Variants in AKT3 observed in about 807,000 individuals in gnomAD.
AKT3 encodes AKT serine/threonine kinase 3.
AKT3 carries 15 observed loss-of-function variants against 65.3 expected under a neutral mutation model. The observed-to-expected ratio is 0.23, with a 90% CI of 0.15 to 0.35. The LOEUF (loss-of-function observed/expected upper bound fraction) is 0.35. Among genes scored for constraint, AKT3 ranks in the 10% least tolerant of loss-of-function variants. The pLI is 1.00. For missense variants in AKT3, 243 were observed against 576.5 expected (o/e 0.42, Z 5.92); for synonymous variants, 206 against 183.8 (o/e 1.12, Z -0.98).
chr1:243,787,732 C>A (rs944774430), intron 2 of AKT3, among the ~76,000 whole-genome samples: 2 of 152,096 alleles, frequency 1.3e-5, no homozygotes, highest in Admixed American at 6.5e-5. Context: ...TTTGAGTATA[C>A]CAATTTGCCT....
intron 12 of AKT3, among the ~76,000 whole-genome samples, chr1:243,512,924 T>C (rs1178443017): frequency 6.6e-6 from 1 of 152,218 alleles, no homozygotes; most frequent in East Asian, 1.9e-4. Flanking sequence ...AAGAATTTGC[T>C]GATAAGAGAT....
At chr1:243,524,955 G>A (rs759430981) in intron 12 of AKT3, among the ~76,000 whole-genome samples, 2 of 152,126 alleles carry the variant, frequency 1.3e-5, no homozygotes, top group South Asian at 2.1e-4. Context: ...CCCAGCTTAT[G>A]CCATTTAGGG....
chr1:243,734,251 C>T (rs1319224239), intron 2 of AKT3, among the ~76,000 whole-genome samples: 1 of 152,044 alleles, frequency 6.6e-6, no homozygotes, highest in African/African-American at 2.4e-5. Context: ...TCAAAGTTCA[C>T]AAATAAACTG....
chr1:243,748,484 T>G (rs1688611155), intron 2 of AKT3, among the ~76,000 whole-genome samples: 1 of 152,168 alleles, frequency 6.6e-6, no homozygotes, highest in African/African-American at 2.4e-5. Context: ...AGAAGCAGCT[T>G]TATTAGTGCT....
At chr1:243,709,267 A>C (rs763404022) in intron 2 of AKT3, among the ~76,000 whole-genome samples, 41 of 151,422 alleles carry the variant, frequency 2.7e-4, no homozygotes, top group African/African-American at 6.3e-4. Flanking sequence ...ATAGAAAAAA[A>C]AAAACAAAAC....
intron 9 of AKT3, among the ~76,000 whole-genome samples, chr1:243,566,300 G>A (rs542867430): frequency 6.6e-6 from 1 of 152,304 alleles, no homozygotes; most frequent in East Asian, 1.9e-4. Flanking sequence ...GAAATGAGAT[G>A]CAAGGATAGG....
intron 13 of AKT3, 77 bp from the exon 14 acceptor site, chr1:243,505,411 C>G: frequency 7.8e-7 from 1 of 1,283,162 alleles, no homozygotes; most frequent in South Asian, 1.3e-5. Context: ...GTTTTTTAAA[C>G]TCTGAACATA....
chr1:243,616,281 A>G (rs2148610505), intron 6 of AKT3, among the ~76,000 whole-genome samples: 1 of 140,660 alleles, frequency 7.1e-6, no homozygotes, highest in African/African-American at 2.7e-5. Flanking sequence ...TTAGCTCCAG[A>G]GACTACAGGT....
intron 2 of AKT3, among the ~76,000 whole-genome samples, chr1:243,797,718 T>C (rs940101591): frequency 6.6e-6 from 1 of 152,130 alleles, no homozygotes; most frequent in Non-Finnish European, 1.5e-5. Flanking sequence ...AACATTTTCA[T>C]AAAGGAATGC....
chr1:243,492,240 G>A (rs996109647), intron 13 of AKT3, among the ~76,000 whole-genome samples: 8 of 149,760 alleles, frequency 5.3e-5, no homozygotes, highest in Non-Finnish European at 1.2e-4. Flanking sequence ...CCCCGGCGCT[G>A]TCTGCGGTGG....
At chr1:243,616,579 T>G (rs2148611360) in intron 6 of AKT3, among the ~76,000 whole-genome samples, 1 of 152,294 alleles carries the variant, frequency 6.6e-6, no homozygotes, top group South Asian at 2.1e-4. Flanking sequence ...TGTTCTTCAC[T>G]TCTGGCAAGA....
At chr1:243,571,526 C>G (rs1352874930) in intron 9 of AKT3, among the ~76,000 whole-genome samples, 1 of 152,170 alleles carries the variant, frequency 6.6e-6, no homozygotes, top group Admixed American at 6.5e-5. Context: ...TAAATCTAAG[C>G]CTCCATGCTT....
chr1:243,764,992 G>C (rs1689725120), intron 2 of AKT3, among the ~76,000 whole-genome samples: 1 of 152,020 alleles, frequency 6.6e-6, no homozygotes. Context: ...TCTGAATAAT[G>C]TAAATTCATT....
chr1:243,653,066 G>GT (rs1376613975), intron 4 of AKT3, among the ~76,000 whole-genome samples: 1 of 151,868 alleles, frequency 6.6e-6, no homozygotes, highest in Admixed American at 6.6e-5. Flanking sequence ...CCAGGAGCTG[G>GT]TTTTTTGAAA....
chr1:243,712,972 C>A (rs1164014622), intron 2 of AKT3, among the ~76,000 whole-genome samples: 1 of 152,116 alleles, frequency 6.6e-6, no homozygotes, highest in South Asian at 2.1e-4. Flanking sequence ...ATGTACTGAT[C>A]AAAAAGGCCA....
At chr1:243,718,484 C>G (rs745762565) in intron 2 of AKT3, among the ~76,000 whole-genome samples, 10 of 152,064 alleles carry the variant, frequency 6.6e-5, no homozygotes, top group Non-Finnish European at 1.0e-4. Context: ...CAGTCTCTCT[C>G]TGTCGCCAAG....
intron 2 of AKT3, among the ~76,000 whole-genome samples, chr1:243,831,004 C>T (rs1694475241): frequency 6.6e-6 from 1 of 152,176 alleles, no homozygotes; most frequent in African/African-American, 2.4e-5. Context: ...TACCGAAACT[C>T]TCTCCTGAAC....
chr1:243,755,715 G>A (rs1265853966), intron 2 of AKT3, among the ~76,000 whole-genome samples: 2 of 152,142 alleles, frequency 1.3e-5, no homozygotes, highest in African/African-American at 2.4e-5. Flanking sequence ...TATTTGTAAA[G>A]ACCAGAATAA....
chr1:243,672,385 C>T (rs1683213349), intron 3 of AKT3, among the ~76,000 whole-genome samples: 3 of 152,220 alleles, frequency 2.0e-5, no homozygotes, highest in South Asian at 4.1e-4. Context: ...TGCAGACTCA[C>T]ATCAATCCAG....
Sources: allele counts gnomAD v4.1 joint callset (sites outside exome capture counted in the v4.1 genomes callset), GRCh38; gene constraint gnomAD v4.1.1; transcripts MANE v1.5; gene names NCBI Gene and HGNC (gene_info 2026-07-23, HGNC 2026-07-21).